TENM3: variants seen among roughly 807,000 people sequenced by gnomAD.
TENM3 encodes the protein teneurin transmembrane protein 3.
A neutral mutation model predicts 255.1 loss-of-function variants in TENM3; 63 were observed. The observed-to-expected ratio is 0.25, with a 90% CI of 0.20 to 0.30. The LOEUF (loss-of-function observed/expected upper bound fraction) is 0.30. TENM3 is among the 10% of genes least tolerant of loss of function. The pLI is 1.00. For missense variants in TENM3, 2,929 were observed against 3,461.1 expected (o/e 0.85, Z 3.86); for synonymous variants, 1,306 against 1,322.3 (o/e 0.99, Z 0.27).
the TENM3 span, among the ~76,000 whole-genome samples, chr4:181,892,226 T>A: frequency 6.6e-6 from 1 of 152,218 alleles, no homozygotes; most frequent in African/African-American, 2.4e-5. Flanking sequence ...TATTCTGAAG[T>A]CAACTTTATT....
chr4:182,734,414 C>T (rs1761009781), intron 16 of TENM3, among the ~76,000 whole-genome samples: 1 of 152,174 alleles, frequency 6.6e-6, no homozygotes, highest in East Asian at 1.9e-4. Flanking sequence ...TTCAGCATTT[C>T]TCTAAAGTTA....
At chr4:182,369,790 G>C (rs1766674428) in intron 3 of TENM3, among the ~76,000 whole-genome samples, 3 of 152,108 alleles carry the variant, frequency 2.0e-5, no homozygotes, top group Middle Eastern at 6.8e-3. Flanking sequence ...CTGAGGCAGG[G>C]GAATTGCTCG....
chr4:181,771,789 G>A, the TENM3 span, among the ~76,000 whole-genome samples: 5 of 152,174 alleles, frequency 3.3e-5, no homozygotes, highest in East Asian at 1.9e-4. Context: ...TGCCAGTCCC[G>A]CAGACCACAT....
chr4:182,123,318 C>T, the TENM3 span, among the ~76,000 whole-genome samples: 1 of 152,136 alleles, frequency 6.6e-6, no homozygotes, highest in African/African-American at 2.4e-5. Context: ...TTATTCTTAA[C>T]TTGACTAACT....
rs1357026869 is a variant in TENM3, at chr4:182,161,806, CAT to C, written c.-76+17059_-76+17060del. Among the ~76,000 whole-genome samples the C allele has an allele frequency of 8.1e-3, 129 of 15,842 alleles. 14 individuals carry two copies. The highest frequency in any genetic ancestry group is 0.012 in the Non-Finnish European group (94 of 8,104). The allele number at this position is 15,842 out of a possible 152,430, so 10.4% of individuals were successfully genotyped here. ...ACACAAATATATGTATATATATACA[CAT>C]ATATATGTATATATATACACATATA... On this transcript the variant is annotated intron_variant, in intron 1 of 2. Coordinates refer to the TENM3 transcript ENST00000512480.
the TENM3 span, among the ~76,000 whole-genome samples, chr4:182,034,697 G>A: frequency 6.6e-6 from 1 of 152,312 alleles, no homozygotes; most frequent in Non-Finnish European, 1.5e-5. Context: ...CTTTAAGAAT[G>A]TTGAATATCA....
At chr4:181,692,325 T>C in the TENM3 span, among the ~76,000 whole-genome samples, 1 of 152,178 alleles carries the variant, frequency 6.6e-6, no homozygotes, top group African/African-American at 2.4e-5. Flanking sequence ...CACTCTATCA[T>C]TTCCAAGTCT....
chr4:182,014,120 G>A, the TENM3 span, among the ~76,000 whole-genome samples: 4 of 128,298 alleles, frequency 3.1e-5, no homozygotes, highest in South Asian at 4.7e-4. Flanking sequence ...ACATATATAC[G>A]TATATATACA....
chr4:181,899,555 T>C, the TENM3 span, among the ~76,000 whole-genome samples: 1 of 152,030 alleles, frequency 6.6e-6, no homozygotes, highest in African/African-American at 2.4e-5. Context: ...TTTTTTGTTT[T>C]GTTTTGTTTT....
chr4:182,445,139 T>C (rs1222537286), intron 3 of TENM3, among the ~76,000 whole-genome samples: 1 of 152,210 alleles, frequency 6.6e-6, no homozygotes, highest in African/African-American at 2.4e-5. Flanking sequence ...GAGTCAATAC[T>C]GTCTAAATAT....
At chr4:181,521,618 G>A in the TENM3 span, among the ~76,000 whole-genome samples, 2 of 152,228 alleles carry the variant, frequency 1.3e-5, no homozygotes, top group African/African-American at 2.4e-5. Flanking sequence ...TTTAAGCACT[G>A]GAACCACTTT....
intron 18 of TENM3, among the ~76,000 whole-genome samples, chr4:182,739,205 T>C (rs1268153133): frequency 1.3e-5 from 2 of 152,158 alleles, no homozygotes; most frequent in East Asian, 3.9e-4. Context: ...GACCTGATAA[T>C]GTCCTAGTGA....
rs755145659 is a variant in TENM3 at position 182,755,193 on chromosome 4, C to T, written c.4826C>T (p.Thr1609Ile). The T allele has an allele frequency of 3.7e-6, 6 of 1,612,658 alleles. No individual in the cohort carries two copies. The highest frequency in any genetic ancestry group is 4.2e-6 in the Non-Finnish European group (5 of 1,179,858). The stretch of plus-strand genomic sequence containing the variant: ...CAAGGACTGGAATTAGTTTTGTTTA[C>T]TTACCATGGCAATAGTGGCCTTTTA... ...TAQGLELVLF[T>I]YHGNSGLLAT... The change falls in exon 22 of 28, where the codon ACT becomes ATT. Residue 1609 changes from threonine (T) to isoleucine (I), a missense_variant. Thr to Ile is a moderately conservative substitution (Grantham distance 89, BLOSUM62 -1). Transcript: ENST00000511685.
the TENM3 span, among the ~76,000 whole-genome samples, chr4:181,812,466 A>G: frequency 6.6e-6 from 1 of 152,218 alleles, no homozygotes; most frequent in Non-Finnish European, 1.5e-5. Flanking sequence ...CTGATTATTT[A>G]TAGAGAGTTC....
rs775310288 is a variant in TENM3 at position 182,174,533 on chromosome 4, A to ACAC, written c.-76+29779_-76+29780insCAC. Among the ~76,000 whole-genome samples the ACAC allele has an allele frequency of 6.2e-3, 663 of 106,452 alleles. 5 individuals are homozygous for ACAC. The highest frequency in any genetic ancestry group is 0.02 in the African/African-American group (617 of 30,700). 69.8% of individuals were successfully genotyped at this position (106,452 alleles called of 152,430 possible). The stretch of plus-strand genomic sequence containing the variant: ...ACACACACACACACACACACACACA[A>ACAC]ACACACACTTTAACAGGGAGGTTAT... On this transcript the variant is annotated intron_variant, in intron 1 of 2. Transcript: ENST00000512480.
chr4:182,446,246 T>C (rs755175388), intron 3 of TENM3, among the ~76,000 whole-genome samples: 1 of 152,210 alleles, frequency 6.6e-6, no homozygotes, highest in Non-Finnish European at 1.5e-5. Context: ...AATACATAAT[T>C]AGTTTTGTAT....
At chr4:181,665,475 G>A in the TENM3 span, among the ~76,000 whole-genome samples, 7 of 151,996 alleles carry the variant, frequency 4.6e-5, no homozygotes, top group Non-Finnish European at 7.4e-5. Context: ...TATATTGTAC[G>A]TGTACATATA....
At chr4:182,140,987 C>CCCG (rs1554020388), upstream of TENM3, among the ~76,000 whole-genome samples, 2 of 113,748 alleles carry the variant, frequency 1.8e-5, no homozygotes, top group Non-Finnish European at 3.5e-5. Flanking sequence ...CCCATTATAT[C>CCCG]CCTCCCCCCC....
At position 182,730,237 on chromosome 4, in the gene TENM3, G is replaced by A; in HGVS notation, c.2623G>A (p.Asp875Asn). ...SVIRGQVLTA[D>N]GTPLIGVNVS... The stretch of plus-strand genomic sequence containing the variant: ...CATCAGAGGCCAAGTACTGACTGCT[G>A]ATGGAACTCCACTTATTGGAGTAAA... Residue 875 changes from aspartate (D) to asparagine (N), a missense_variant, in exon 15 of 28, where the codon GAT becomes AAT. Transcript: ENST00000511685. 6.2e-7 allele frequency: 1 copy of A among 1,613,818 alleles called. No individual in the cohort carries two copies. Among genetic ancestry groups the A allele is most frequent in the Non-Finnish European group, 8.5e-7 (1 of 1,179,802 alleles).
Sources: allele counts gnomAD v4.1 joint callset (sites outside exome capture counted in the v4.1 genomes callset), GRCh38; gene constraint gnomAD v4.1.1; transcripts MANE v1.5; gene names NCBI Gene and HGNC (gene_info 2026-07-23, HGNC 2026-07-21).